ABCC5: variants seen among roughly 807,000 people sequenced by gnomAD.
ABCC5 encodes the protein ATP binding cassette subfamily C member 5.
ABCC5 carries 61 observed loss-of-function variants against 160.9 expected under a neutral mutation model. That is an observed-to-expected ratio of 0.38 (90% CI 0.31 to 0.47). The LOEUF is 0.47. ABCC5 is among the 20% of genes least tolerant of loss of function. The pLI is 0.99. For missense variants in ABCC5, 1,308 were observed against 1,813.3 expected, an observed-to-expected ratio of 0.72 and a Z score of 5.06; for synonymous variants, 666 against 700.6, an observed-to-expected ratio of 0.95 and a Z score of 0.78.
intron 13 of ABCC5, 53 bp from the exon 14 acceptor site, chr3:183,965,310 G>A: frequency 1.2e-6 from 2 of 1,614,022 alleles, no homozygotes; most frequent in Non-Finnish European, 1.7e-6. Flanking sequence ...AGAGCCTGCT[G>A]ACTAGGGCTG....
chr3:184,014,572 G>A (rs1722039071), intron 1 of ABCC5, 125 bp from the exon 2 acceptor site: 1 of 445,382 alleles, frequency 2.2e-6, no homozygotes, highest in Non-Finnish European at 3.5e-6. Flanking sequence ...TACTGTTATA[G>A]CTACAAAAAT....
chr3:183,923,935 G>A (rs1712254231), intron 29 of ABCC5, among the ~76,000 whole-genome samples: 1 of 151,222 alleles, frequency 6.6e-6, no homozygotes, highest in Admixed American at 6.6e-5. Context: ...TGCTGGCAGT[G>A]CGGTTGCTGG....
At chr3:183,938,878 C>T (rs563929961) in intron 25 of ABCC5, among the ~76,000 whole-genome samples, 1 of 152,242 alleles carries the variant, frequency 6.6e-6, no homozygotes, top group South Asian at 2.1e-4. Flanking sequence ...GGTTTTGCCT[C>T]GACTCAATGA....
intron 2 of ABCC5, among the ~76,000 whole-genome samples, chr3:184,013,538 G>C (rs9876269): frequency 0.011 from 1,613 of 152,238 alleles, 31 homozygotes; most frequent in African/African-American, 0.036. Flanking sequence ...ACAAGCATGA[G>C]CCACTGTGCC....
chr3:183,962,129 TAA>T (rs1716805244), intron 15 of ABCC5, among the ~76,000 whole-genome samples: 1 of 152,182 alleles, frequency 6.6e-6, no homozygotes, highest in Non-Finnish European at 1.5e-5. Context: ...TACATCCTGA[TAA>T]ACCCAACGTA....
At chr3:184,009,057 G>T (rs78677794) in intron 2 of ABCC5, among the ~76,000 whole-genome samples, 5,190 of 152,098 alleles carry the variant, frequency 0.034, 301 homozygotes, top group African/African-American at 0.12. Context: ...GTAGAGACAG[G>T]TCTCACCATG....
chr3:183,978,055 ATTTTT>A, intron 9 of ABCC5, among the ~76,000 whole-genome samples: 1 of 151,574 alleles, frequency 6.6e-6, no homozygotes, highest in African/African-American at 2.4e-5. Context: ...GCCTGGCCAC[ATTTTT>A]TTTTAAGTAG....
chr3:183,942,070 C>T (rs187504283), intron 25 of ABCC5, among the ~76,000 whole-genome samples: 67 of 151,668 alleles, frequency 4.4e-4, no homozygotes, highest in African/African-American at 1.3e-3. Flanking sequence ...GACGGAGTCT[C>T]GCTCTGTCAC....
intron 17 of ABCC5, among the ~76,000 whole-genome samples, chr3:183,959,510 G>C (rs930088183): frequency 6.6e-6 from 1 of 152,196 alleles, no homozygotes; most frequent in African/African-American, 2.4e-5. Flanking sequence ...CACAGGAGAA[G>C]ACATGGGTCT....
At chr3:183,937,279 T>C (rs1577472060) in intron 26 of ABCC5, among the ~76,000 whole-genome samples, 1 of 152,102 alleles carries the variant, frequency 6.6e-6, no homozygotes, top group Admixed American at 6.5e-5. Flanking sequence ...CGGGAGGCTG[T>C]GGCAGGAGAA....
chr3:183,971,953 G>A (rs1717790209), intron 10 of ABCC5, 34 bp from the exon 11 acceptor site: 2 of 1,611,520 alleles, frequency 1.2e-6, no homozygotes, highest in Non-Finnish European at 1.7e-6. Context: ...GCAAAGATGA[G>A]ACACTGGATC....
intron 26 of ABCC5, among the ~76,000 whole-genome samples, chr3:183,929,691 G>A (rs192068781): frequency 5.8e-4 from 88 of 152,216 alleles, no homozygotes; most frequent in African/African-American, 2.0e-3. Context: ...TGCTTACTGT[G>A]CCAACAGTAT....
rs1414102186 is a variant in ABCC5 at position 183,921,732 on chromosome 3, A to C, written c.4213-331T>G. 6.6e-6 allele frequency among the ~76,000 whole-genome samples: 1 copy of C among 151,954 alleles called. No homozygotes were observed. Among genetic ancestry groups the C allele is most frequent in the Non-Finnish European group, 1.5e-5 (1 of 68,002 alleles). ...GCCTTGGGAGTGAAGGAACCAACCA[A>C]CCAGGTCTATAAACTGCAGGAGGCT... On this transcript the variant is annotated intron_variant, in intron 29 of 29. Transcript: ENST00000334444. The surrounding 1 kb of genome is among the most constrained non-coding windows in gnomAD (Gnocchi z 4.1).
rs776252513 is a variant in ABCC5, at chr3:183,942,881, G to A, written c.3540C>T (p.Asn1180=). The A allele has an allele frequency of 6.2e-7, 1 of 1,613,942 alleles. No homozygotes were observed. Among genetic ancestry groups the A allele is most frequent in the Non-Finnish European group, 8.5e-7 (1 of 1,179,890 alleles). Residue 1180 remains asparagine, a synonymous_variant, in exon 25 of 30, where the codon AAC becomes AAT. Coordinates refer to ENST00000334444, the MANE Select transcript of ABCC5 (RefSeq NM_005688.4). ...GGGGCCAGTCAGGGGAGGGAGCCTT[G>A]TTCTTAATTCTGGCAGGTGCTTCCA... ...LSLEAPARIK[N]KAPSPDWPQE... is the part of the protein sequence containing the mutation.
intron 17 of ABCC5, among the ~76,000 whole-genome samples, chr3:183,953,839 T>A (rs2108800844): frequency 6.6e-6 from 1 of 152,298 alleles, no homozygotes; most frequent in South Asian, 2.1e-4. Flanking sequence ...AGATGTGCAC[T>A]TAAAGAATGG....
intron 17 of ABCC5, among the ~76,000 whole-genome samples, chr3:183,956,472 G>C (rs149784284): frequency 1.4e-5 from 2 of 147,910 alleles, no homozygotes; most frequent in Non-Finnish European, 1.5e-5. Context: ...ATGCGGATCC[G>C]TGTGTATATC....
chr3:183,928,659 C>T lies in ABCC5; in HGVS notation c.3933+88G>A, dbSNP rs140829929. On this transcript the variant is annotated intron_variant, in intron 27 of 29. Coordinates refer to ENST00000334444, the MANE Select transcript of ABCC5 (RefSeq NM_005688.4). ...TTTGTCCACAGGCATCCTGGAGGCA[C>T]GGCCAGAGCAGACGGGGTGTGGCAA... The T allele has an allele frequency of 1.2e-4, 140 of 1,216,272 alleles. No individual in the cohort carries two copies. The East Asian group carries it at 2.5e-3, about 22-fold the overall frequency. 75.3% of individuals were successfully genotyped at this position (1,216,272 alleles called of 1,614,324 possible). A position where few individuals can be genotyped will look rare whatever the true frequency, so the allele number is the denominator to read the frequency against.
At chr3:183,922,298 G>C (rs1483177414) in intron 29 of ABCC5, among the ~76,000 whole-genome samples, 2 of 152,310 alleles carry the variant, frequency 1.3e-5, no homozygotes, top group Non-Finnish European at 2.9e-5. Flanking sequence ...CTGGAACCCG[G>C]GAGGCGGAGG....
chr3:183,937,270 G>A (rs372298948), intron 26 of ABCC5, among the ~76,000 whole-genome samples: 4 of 152,168 alleles, frequency 2.6e-5, no homozygotes, highest in Admixed American at 6.5e-5. Flanking sequence ...CCAGCTATTC[G>A]GGAGGCTGTG....
Sources: gnomAD v4.1 joint callset for allele counts (sites outside exome capture counted in the v4.1 genomes callset) on GRCh38, gnomAD v4.1.1 for gene constraint, Gnocchi (gnomAD v3.1) non-coding constraint, MANE v1.5 for transcripts, NCBI Gene and HGNC (gene_info 2026-07-23, HGNC 2026-07-21) for gene names.